RABGAP1L: variants seen among roughly 807,000 people sequenced by gnomAD.
RABGAP1L encodes rab GTPase-activating protein 1-like.
In RABGAP1L, 63 loss-of-function variants were observed where a neutral mutation model predicts 137.7. The observed-to-expected ratio is 0.46, with a 90% CI of 0.37 to 0.56. The LOEUF (loss-of-function observed/expected upper bound fraction) is 0.56. Among genes scored for constraint, RABGAP1L ranks in the 20% least tolerant of loss-of-function variants. RABGAP1L has a pLI of 0.00. For missense variants in RABGAP1L, 1,095 were observed against 1,244.0 expected, an observed-to-expected ratio of 0.88 and a Z score of 1.80; for synonymous variants, 431 against 433.7, an observed-to-expected ratio of 0.99 and a Z score of 0.08.
intron 12 of RABGAP1L, among the ~76,000 whole-genome samples, chr1:174,375,599 A>G (rs1006251921): frequency 1.1e-4 from 17 of 152,196 alleles, no homozygotes; most frequent in Non-Finnish European, 2.1e-4. Context: ...CTATAAATTT[A>G]GAAGCTTAGG....
At chr1:174,956,889 C>T (rs933588248) in intron 19 of RABGAP1L, among the ~76,000 whole-genome samples, 6 of 152,084 alleles carry the variant, frequency 3.9e-5, no homozygotes, top group Admixed American at 2.6e-4. Flanking sequence ...CTCAAGTGAT[C>T]CGCCCACCTC....
chr1:174,416,046 T>TATATATATATATATATATATATATA (rs1650555367), intron 13 of RABGAP1L, among the ~76,000 whole-genome samples: 2 of 76,662 alleles, frequency 2.6e-5, no homozygotes, highest in African/African-American at 2.1e-4. Context: ...ACACACACAT[T>TATATATATATATATATATATATATA]TTTTTTTTCC....
intron 21 of RABGAP1L, among the ~76,000 whole-genome samples, chr1:174,973,677 G>A (rs142019611): frequency 1.5e-4 from 22 of 151,640 alleles, no homozygotes; most frequent in Middle Eastern, 3.2e-3. Flanking sequence ...GAGCCACCGC[G>A]CCTGGCCAGC....
chr1:174,772,739 A>G (rs1231635891), intron 18 of RABGAP1L, among the ~76,000 whole-genome samples: 1 of 151,970 alleles, frequency 6.6e-6, no homozygotes, highest in Non-Finnish European at 1.5e-5. Flanking sequence ...GTAACTCCCC[A>G]TTCCTTTCTC....
chr1:174,707,990 C>A (rs1395590459), intron 17 of RABGAP1L, among the ~76,000 whole-genome samples: 2 of 152,102 alleles, frequency 1.3e-5, no homozygotes, highest in Non-Finnish European at 2.9e-5. Flanking sequence ...AACTGACAGC[C>A]GGTGTTTGAA....
chr1:174,384,848 C>T lies in RABGAP1L; in HGVS notation c.1560-9147C>T, dbSNP rs968613511. On this transcript the variant is annotated intron_variant, in intron 12 of 25. Transcript: ENST00000681986. ...TCTCTTACCACTACAGATTTCTGTC[C>T]AATTTTATGAACATTTTATATATCT... 8.5e-5 allele frequency among the ~76,000 whole-genome samples: 13 copies of T among 152,210 alleles called. No individual in the cohort carries two copies. The East Asian group carries it at 1.5e-3, about 18-fold the overall frequency.
chr1:174,438,275 C>T (rs888696941), intron 13 of RABGAP1L, among the ~76,000 whole-genome samples: 3 of 152,158 alleles, frequency 2.0e-5, no homozygotes, highest in African/African-American at 7.2e-5. Context: ...TTTTAGCTCT[C>T]TTAGATCCTT....
chr1:174,278,507 A>C, intron 9 of RABGAP1L, 106 bp from the exon 10 acceptor site: 2 of 815,002 alleles, frequency 2.5e-6, no homozygotes, highest in African/African-American at 3.5e-5. Flanking sequence ...CATAGAAGGT[A>C]TTACAATTGT....
At chr1:174,826,203 G>A (rs565439205) in intron 19 of RABGAP1L, among the ~76,000 whole-genome samples, 6 of 152,230 alleles carry the variant, frequency 3.9e-5, no homozygotes, top group African/African-American at 1.4e-4. Flanking sequence ...TTGCATCCAC[G>A]TTGCTGCAGA....
intron 11 of RABGAP1L, among the ~76,000 whole-genome samples, chr1:174,349,978 C>T (rs1393233113): frequency 3.1e-5 from 4 of 129,030 alleles, no homozygotes; most frequent in Admixed American, 2.9e-4. Flanking sequence ...CCCCATCTCC[C>T]TCCCGGACGG....
At chr1:174,911,144 A>G (rs1044458172) in intron 19 of RABGAP1L, among the ~76,000 whole-genome samples, 14 of 151,934 alleles carry the variant, frequency 9.2e-5, no homozygotes, top group Non-Finnish European at 1.2e-4. Flanking sequence ...AAATTTTTTT[A>G]TTTTTATTGT....
rs78457581 is a variant in RABGAP1L at position 174,185,092 on chromosome 1, T to C, written c.-34+25435T>C. 6.8e-3 allele frequency among the ~76,000 whole-genome samples: 1,029 copies of C among 152,308 alleles called. 18 individuals are homozygous for C. Among genetic ancestry groups the C allele is most frequent in the African/African-American group, 0.024 (992 of 41,558 alleles). On this transcript the variant is annotated intron_variant, in intron 1 of 25. Coordinates refer to ENST00000681986, the MANE Select transcript of RABGAP1L (RefSeq NM_001366446.1). ...TTCTTGACCTCTTTGGGTTATAGAT[T>C]TCAATGAAGTGTTTCTAGGGAAAGG...
intron 13 of RABGAP1L, among the ~76,000 whole-genome samples, chr1:174,420,343 C>T (rs1157606860): frequency 2.0e-5 from 3 of 151,796 alleles, no homozygotes; most frequent in African/African-American, 4.8e-5. Context: ...AACTCAGCCT[C>T]TTTATTTTCA....
At chr1:174,786,676 A>C (rs1184591665) in intron 18 of RABGAP1L, among the ~76,000 whole-genome samples, 1 of 152,180 alleles carries the variant, frequency 6.6e-6, no homozygotes, top group African/African-American at 2.4e-5. Context: ...ATGCTGCTTT[A>C]CTATGTGTCA....
At chr1:174,851,526 C>T (rs190290387) in intron 19 of RABGAP1L, among the ~76,000 whole-genome samples, 2 of 151,804 alleles carry the variant, frequency 1.3e-5, no homozygotes, top group East Asian at 3.9e-4. Flanking sequence ...GTTGCCATTT[C>T]TTTCTTTTTT....
At chr1:174,403,204 T>TGA (rs1400178400) in intron 13 of RABGAP1L, among the ~76,000 whole-genome samples, 40 of 131,944 alleles carry the variant, frequency 3.0e-4, no homozygotes, top group South Asian at 5.3e-4. Flanking sequence ...TGGTTATATA[T>TGA]GAGAGTGTGT....
At chr1:174,319,405 C>T (rs1177154111) in intron 11 of RABGAP1L, among the ~76,000 whole-genome samples, 1 of 152,020 alleles carries the variant, frequency 6.6e-6, no homozygotes, top group Admixed American at 6.5e-5. Flanking sequence ...CCTTACTATT[C>T]TTGGTTATTA....
At chr1:174,195,699 TC>T (rs1667575776) in intron 1 of RABGAP1L, among the ~76,000 whole-genome samples, 1 of 112,506 alleles carries the variant, frequency 8.9e-6, no homozygotes, top group East Asian at 2.4e-4. Flanking sequence ...CTTCTTTCCT[TC>T]TTTCCTTCTT....
intron 11 of RABGAP1L, among the ~76,000 whole-genome samples, chr1:174,330,099 A>G (rs940782054): frequency 1.3e-5 from 2 of 152,196 alleles, no homozygotes; most frequent in Non-Finnish European, 2.9e-5. Context: ...ATTAACAAGG[A>G]CGAAATCAAG....
Sources: allele counts gnomAD v4.1 joint callset (sites outside exome capture counted in the v4.1 genomes callset), GRCh38; gene constraint gnomAD v4.1.1; transcripts MANE v1.5; gene names NCBI Gene and HGNC (gene_info 2026-07-23, HGNC 2026-07-21).